DNAJB6: variants seen among roughly 807,000 people sequenced by gnomAD.
The protein encoded by DNAJB6 is dnaJ homolog subfamily B member 6.
Under a neutral mutation model 42.7 loss-of-function variants are expected in DNAJB6, and 16 were observed. The observed-to-expected ratio is 0.37, with a 90% CI of 0.25 to 0.57. DNAJB6 has a LOEUF of 0.57. DNAJB6 is among the 20% of genes least tolerant of loss of function. The pLI is 0.74. For synonymous variants in DNAJB6, 170 were observed against 163.5 expected, an observed-to-expected ratio of 1.04 and a Z score of -0.30; for missense variants, 347 against 416.8, an observed-to-expected ratio of 0.83 and a Z score of 1.46.
chr7:157,395,675 TTTTC>T (rs1318817950), intron 8 of DNAJB6, among the ~76,000 whole-genome samples: 1 of 150,980 alleles, frequency 6.6e-6, no homozygotes, highest in Non-Finnish European at 1.5e-5. Context: ...ATTCTACGTT[TTTTC>T]TTTTCTTTTT....
chr7:157,402,019 CGGAG>C (rs1316274574), intron 8 of DNAJB6, among the ~76,000 whole-genome samples: 1 of 152,222 alleles, frequency 6.6e-6, no homozygotes, highest in Non-Finnish European at 1.5e-5. Context: ...GTCGCTGTGA[CGGAG>C]GGAGCGTGTC....
intron 1 of DNAJB6, among the ~76,000 whole-genome samples, chr7:157,346,825 A>C (rs185966142): frequency 4.6e-5 from 7 of 152,118 alleles, no homozygotes; most frequent in African/African-American, 1.7e-4. Context: ...AGACACGTGG[A>C]TTTCTCTTTC....
At chr7:157,381,269 C>T (rs1348898091) in intron 5 of DNAJB6, 1 of 152,130 alleles carries the variant, frequency 6.6e-6, no homozygotes, top group Non-Finnish European at 1.5e-5. Context: ...GTAGGCCGTA[C>T]TAATTCTGTA....
intron 1 of DNAJB6, among the ~76,000 whole-genome samples, chr7:157,349,813 T>G (rs373447850): frequency 6.6e-6 from 1 of 152,070 alleles, no homozygotes; most frequent in East Asian, 1.9e-4. Flanking sequence ...CCCAGCTGAT[T>G]TTTGTATTTT....
chr7:157,366,481 G>T (rs199561404), intron 3 of DNAJB6, 21 bp from the exon 4 acceptor site: 8 of 1,612,898 alleles, frequency 5.0e-6, no homozygotes, highest in East Asian at 2.2e-5. Context: ...TGGCCTTACC[G>T]ACTTTTCTTT....
intron 5 of DNAJB6, among the ~76,000 whole-genome samples, chr7:157,370,155 G>A (rs1398433142): frequency 1.5e-5 from 2 of 132,052 alleles, no homozygotes; most frequent in African/African-American, 6.2e-5. Context: ...TTATTAAACG[G>A]GCCCCTTCTT....
At chr7:157,352,157 C>T (rs758569142) in intron 1 of DNAJB6, among the ~76,000 whole-genome samples, 40 of 152,050 alleles carry the variant, frequency 2.6e-4, no homozygotes, top group African/African-American at 7.5e-4. Context: ...TGGTGAAACC[C>T]GTCCCTACTA....
chr7:157,350,604 T>G (rs899929707), intron 1 of DNAJB6, among the ~76,000 whole-genome samples: 1 of 152,206 alleles, frequency 6.6e-6, no homozygotes, highest in East Asian at 1.9e-4. Context: ...AGCTTGAACT[T>G]GGTGATATAA....
chr7:157,363,310 T>C, intron 3 of DNAJB6, 40 bp downstream of exon 3: 1 of 1,411,048 alleles, frequency 7.1e-7, no homozygotes, highest in South Asian at 1.2e-5. Flanking sequence ...TGAGCGGGCA[T>C]GCCGGAATGC....
At chr7:157,354,570 C>T (rs1396912387) in intron 1 of DNAJB6, among the ~76,000 whole-genome samples, 1 of 152,098 alleles carries the variant, frequency 6.6e-6, no homozygotes, top group Non-Finnish European at 1.5e-5. Context: ...AACTCCTGGG[C>T]TCAAGGAGTC....
rs111693025 is a variant in DNAJB6, at chr7:157,359,790, G to A, written c.65+1153G>A. On this transcript the variant is annotated intron_variant, in intron 2 of 9. Transcript: ENST00000262177. ...GCTATGTTCGTGCCACTGTGTTCCA[G>A]CTTGGGCAACCAAGCCGAGACCCTG... Among the ~76,000 whole-genome samples the A allele has an allele frequency of 5.6e-3, 857 of 152,320 alleles. 9 individuals are homozygous for A. Among genetic ancestry groups the A allele is most frequent in the Middle Eastern group, 0.041 (12 of 294 alleles).
intron 8 of DNAJB6, among the ~76,000 whole-genome samples, chr7:157,404,233 C>A (rs1415096087): frequency 6.6e-6 from 1 of 151,676 alleles, no homozygotes; most frequent in African/African-American, 2.4e-5. Flanking sequence ...TTTAGCCTCC[C>A]AAAGTGCTGG....
chr7:157,405,576 A>G (rs1355319381), intron 8 of DNAJB6, among the ~76,000 whole-genome samples: 4 of 152,260 alleles, frequency 2.6e-5, no homozygotes, highest in South Asian at 2.1e-4. Flanking sequence ...AGCCCTGAAC[A>G]TGGAGAGCCA....
At chr7:157,361,393 G>A (rs1183644357) in intron 2 of DNAJB6, among the ~76,000 whole-genome samples, 4 of 152,054 alleles carry the variant, frequency 2.6e-5, no homozygotes, top group South Asian at 2.1e-4. Context: ...TCTTGACCTC[G>A]TGATCTGCCT....
At chr7:157,404,516 CT>C (rs1203774806) in intron 8 of DNAJB6, among the ~76,000 whole-genome samples, 51 of 74,204 alleles carry the variant, frequency 6.9e-4, no homozygotes, top group Middle Eastern at 8.8e-3. Context: ...TTTTTCTTTT[CT>C]TTTTTTTTTT....
At chr7:157,366,427 T>C in intron 3 of DNAJB6, 75 bp from the exon 4 acceptor site, 1 of 1,339,254 alleles carries the variant, frequency 7.5e-7, no homozygotes, top group Non-Finnish European at 1.1e-6. Flanking sequence ...GATTTACAAC[T>C]GGGGAAATAC....
intron 8 of DNAJB6, among the ~76,000 whole-genome samples, chr7:157,392,809 C>T (rs1377725151): frequency 6.6e-6 from 1 of 152,082 alleles, no homozygotes; most frequent in Non-Finnish European, 1.5e-5. Context: ...CTGTAAAGTG[C>T]TGTCTTAATA....
chr7:157,357,331 G>A (rs1799358275), intron 1 of DNAJB6, among the ~76,000 whole-genome samples: 1 of 127,342 alleles, frequency 7.9e-6, no homozygotes, highest in Non-Finnish European at 1.6e-5. Flanking sequence ...TCCTCGTTCC[G>A]TCGCCCGGGC....
chr7:157,382,571 C>T (rs932873479), intron 6 of DNAJB6, 194 bp downstream of exon 6: 11 of 406,934 alleles, frequency 2.7e-5, no homozygotes, highest in African/African-American at 6.2e-5. Context: ...CTAAGAATGT[C>T]GTGCTTGGAA....
Sources: allele counts gnomAD v4.1 joint callset (sites outside exome capture counted in the v4.1 genomes callset), GRCh38; gene constraint gnomAD v4.1.1; transcripts MANE v1.5; gene names NCBI Gene and HGNC (gene_info 2026-07-23, HGNC 2026-07-21).